The following ATP2B4 variants were observed in gnomAD, a reference collection of about 807,000 sequenced individuals.
ATP2B4 encodes plasma membrane calcium-transporting ATPase 4.
A neutral mutation model predicts 110.3 loss-of-function variants in ATP2B4; 39 were observed. That is an observed-to-expected ratio of 0.35 (90% CI 0.27 to 0.46). The LOEUF (loss-of-function observed/expected upper bound fraction) is 0.46, where lower values mean the gene tolerates loss of function less well. ATP2B4 is among the 20% of genes least tolerant of loss of function. The pLI is 1.00. For missense variants in ATP2B4, 1,135 were observed against 1,530.9 expected (o/e 0.74, Z 4.32); for synonymous variants, 538 against 571.7 (o/e 0.94, Z 0.84).
At chr1:203,660,081 C>CAA (rs1220626290) in intron 1 of ATP2B4, among the ~76,000 whole-genome samples, 3 of 145,086 alleles carry the variant, frequency 2.1e-5, no homozygotes, top group Admixed American at 6.8e-5. Context: ...GACTCCATCT[C>CAA]AAAAAAAAAA....
intron 8 of ATP2B4, among the ~76,000 whole-genome samples, chr1:203,705,400 G>GTTGT (rs1371225416): frequency 1.3e-5 from 2 of 152,144 alleles, no homozygotes; most frequent in Admixed American, 1.3e-4. Context: ...TGTTGTTGTT[G>GTTGT]TTGTTTGTTT....
At chr1:203,696,327 A>G (rs563012637) in intron 2 of ATP2B4, among the ~76,000 whole-genome samples, 1 of 152,256 alleles carries the variant, frequency 6.6e-6, no homozygotes, top group East Asian at 1.9e-4. Context: ...AGCCCTTCAC[A>G]TTGACTAAAG....
intron 19 of ATP2B4, among the ~76,000 whole-genome samples, chr1:203,726,592 C>T (rs563371566): frequency 1.3e-5 from 2 of 152,206 alleles, no homozygotes; most frequent in African/African-American, 4.8e-5. Context: ...CAGCTTTTTC[C>T]ACATTCAGAG....
intron 1 of ATP2B4, among the ~76,000 whole-genome samples, chr1:203,648,294 A>T (rs74137838): frequency 8.4e-4 from 127 of 151,800 alleles, no homozygotes; most frequent in African/African-American, 3.0e-3. Context: ...TGTTTTTTTT[A>T]AAAAAAAAAT....
intron 2 of ATP2B4, among the ~76,000 whole-genome samples, chr1:203,686,676 C>CTTTCTTTTTTTTTTTTTTTT (rs1571722115): frequency 1.9e-5 from 1 of 52,296 alleles, no homozygotes; most frequent in East Asian, 1.3e-3. Context: ...GTTTTTCTTT[C>CTTTCTTTTTTTTTTTTTTTT]TTTTCTTTCT....
intron 1 of ATP2B4, among the ~76,000 whole-genome samples, chr1:203,674,637 C>CTTTT (rs57153257): frequency 1.9e-4 from 9 of 46,266 alleles, no homozygotes; most frequent in Non-Finnish European, 3.1e-4. Flanking sequence ...CCACACCTGG[C>CTTTT]TTTTTTTTTT....
At chr1:203,652,271 A>G (rs558545382) in intron 1 of ATP2B4, among the ~76,000 whole-genome samples, 2 of 151,358 alleles carry the variant, frequency 1.3e-5, no homozygotes, top group Non-Finnish European at 2.9e-5. Flanking sequence ...CAGCCTCCCA[A>G]GTAGTTGAAA....
intron 16 of ATP2B4, 152 bp from the exon 17 acceptor site, chr1:203,721,045 C>A: frequency 2.4e-6 from 2 of 831,542 alleles, no homozygotes; most frequent in South Asian, 1.8e-5. Flanking sequence ...GAACTTGAGG[C>A]TCAAGGAAGT....
At chr1:203,662,267 C>A (rs564392856) in intron 1 of ATP2B4, among the ~76,000 whole-genome samples, 2 of 152,294 alleles carry the variant, frequency 1.3e-5, no homozygotes, top group South Asian at 2.1e-4. Context: ...ACCTCATGAT[C>A]CACCCGTCTC....
At chr1:203,675,664 G>T (rs1385216106) in intron 1 of ATP2B4, among the ~76,000 whole-genome samples, 1 of 152,132 alleles carries the variant, frequency 6.6e-6, no homozygotes, top group African/African-American at 2.4e-5. Context: ...TTTTTTGGTG[G>T]AATTGAAGAA....
At chr1:203,658,375 A>C (rs1664228825) in intron 1 of ATP2B4, among the ~76,000 whole-genome samples, 1 of 151,620 alleles carries the variant, frequency 6.6e-6, no homozygotes, top group African/African-American at 2.4e-5. Flanking sequence ...AATTAAAAAA[A>C]AAAAAAAAAG....
chr1:203,645,286 C>T (rs148698337), intron 1 of ATP2B4, among the ~76,000 whole-genome samples: 2 of 152,284 alleles, frequency 1.3e-5, no homozygotes, highest in East Asian at 3.9e-4. Context: ...TGACTCAGCC[C>T]CTGTCATCCT....
chr1:203,652,342 C>T (rs1200720672), intron 1 of ATP2B4, among the ~76,000 whole-genome samples: 4 of 151,956 alleles, frequency 2.6e-5, no homozygotes, highest in South Asian at 4.2e-4. Context: ...GACGGGGTTT[C>T]GCCATGTTGG....
At chr1:203,673,963 G>C (rs752141436) in intron 1 of ATP2B4, among the ~76,000 whole-genome samples, 6 of 152,190 alleles carry the variant, frequency 3.9e-5, no homozygotes, top group Non-Finnish European at 8.8e-5. Flanking sequence ...ATCCGATCCA[G>C]CTGCTAAAAA....
At chr1:203,679,585 A>G (rs1166981214) in intron 1 of ATP2B4, among the ~76,000 whole-genome samples, 1 of 152,198 alleles carries the variant, frequency 6.6e-6, no homozygotes, top group African/African-American at 2.4e-5. Flanking sequence ...AAAGAGGTTC[A>G]AAGTAAGGAA....
At chr1:203,683,777 C>G (rs4951370) in intron 2 of ATP2B4, among the ~76,000 whole-genome samples, 125,241 of 150,492 alleles carry the variant, frequency 0.83, 52,949 homozygotes, top group East Asian at 1. Context: ...GGGCTGAAGC[C>G]ATCTTCCTAC....
At chr1:203,711,169 T>C (rs1423383438) in intron 12 of ATP2B4, 61 bp downstream of exon 12, 15 of 1,526,052 alleles carry the variant, frequency 9.8e-6, no homozygotes, top group Non-Finnish European at 1.4e-5. Context: ...CCCTTTCTAG[T>C]TGTGACCCCA....
At chr1:203,709,569 C>T (rs748948386) in intron 11 of ATP2B4, 27 bp downstream of exon 11, 6 of 1,613,086 alleles carry the variant, frequency 3.7e-6, no homozygotes, top group Non-Finnish European at 5.1e-6. Context: ...ACTCTGCTTC[C>T]CTTCAAGATC....
In ATP2B4 at chr1:203,720,630, G is replaced by C. The variant is rs1230695932; in HGVS notation, c.2488G>C (p.Val830Leu). 1.2e-6 allele frequency: 2 copies of C among 1,614,032 alleles called. No individual in the cohort carries two copies. Among genetic ancestry groups the C allele is most frequent in the Non-Finnish European group, 1.7e-6 (2 of 1,180,000 alleles). The change falls in exon 16 of 21, where the codon GTG (valine) becomes CTG (leucine). Residue 830 changes from valine to leucine, a missense_variant. Transcript: ENST00000357681. ...DDNFTSIVKA[V>L]MWGRNVYDSI... ...CAACTTCACCAGCATTGTGAAGGCAGTGATGTGGGGACGAAATGTCTATGA... is the reference window on the plus strand; with the variant it reads ...CAACTTCACCAGCATTGTGAAGGCACTGATGTGGGGACGAAATGTCTATGA...
Sources: gnomAD v4.1 joint callset for allele counts (sites outside exome capture counted in the v4.1 genomes callset) on GRCh38, gnomAD v4.1.1 for gene constraint, MANE v1.5 for transcripts, NCBI Gene and HGNC (gene_info 2026-07-23, HGNC 2026-07-21) for gene names.